CNTN5: variants seen among roughly 807,000 people sequenced by gnomAD.
CNTN5 encodes contactin-5.
A neutral mutation model predicts 129.1 loss-of-function variants in CNTN5; 77 were observed. The ratio of observed to expected loss-of-function variants is 0.60; its 90% confidence interval spans 0.50 to 0.72. The LOEUF (loss-of-function observed/expected upper bound fraction) is 0.72, where lower values mean the gene tolerates loss of function less well. Among genes scored for constraint, CNTN5 ranks in the 30% least tolerant of loss-of-function variants. The pLI is 0.00. For missense variants in CNTN5, 1,478 were observed against 1,328.8 expected, an observed-to-expected ratio of 1.11 and a Z score of -1.75; for synonymous variants, 509 against 465.6, an observed-to-expected ratio of 1.09 and a Z score of -1.20.
At chr11:99,135,080 G>A (rs1189081276) in intron 1 of CNTN5, among the ~76,000 whole-genome samples, 1 of 152,100 alleles carries the variant, frequency 6.6e-6, no homozygotes, top group Non-Finnish European at 1.5e-5. Flanking sequence ...GAATTTCTAA[G>A]CTTAAAAACC....
intron 3 of CNTN5, among the ~76,000 whole-genome samples, chr11:99,722,901 A>G (rs981523057): frequency 6.6e-6 from 1 of 152,028 alleles, no homozygotes; most frequent in Non-Finnish European, 1.5e-5. Context: ...TCGTGTCATC[A>G]ATCATCCTTG....
chr11:99,819,399 T>C (rs1314448070), intron 3 of CNTN5, 145 bp from the exon 4 acceptor site: 1 of 633,422 alleles, frequency 1.6e-6, no homozygotes, highest in East Asian at 3.0e-5. Context: ...AAAAGTAACA[T>C]TTTTTCACAC....
intron 21 of CNTN5, among the ~76,000 whole-genome samples, chr11:100,314,405 G>A (rs1401113292): frequency 2.0e-5 from 3 of 152,080 alleles, no homozygotes; most frequent in Admixed American, 6.6e-5. Flanking sequence ...GTATTATAGA[G>A]CAGGTAAATT....
At chr11:100,086,155 T>C (rs559566842) in intron 13 of CNTN5, among the ~76,000 whole-genome samples, 1 of 151,812 alleles carries the variant, frequency 6.6e-6, no homozygotes, top group Non-Finnish European at 1.5e-5. Context: ...CAAGAGGTAG[T>C]CTTTGAAAGA....
intron 3 of CNTN5, among the ~76,000 whole-genome samples, chr11:99,618,364 T>A (rs1950824762): frequency 2.0e-5 from 3 of 152,196 alleles, no homozygotes; most frequent in Admixed American, 2.0e-4. Flanking sequence ...TGCTTTCAAC[T>A]GGGCAATGAT....
At chr11:100,044,570 G>T (rs185307614) in intron 9 of CNTN5, among the ~76,000 whole-genome samples, 1 of 150,870 alleles carries the variant, frequency 6.6e-6, no homozygotes, top group African/African-American at 2.4e-5. Context: ...GCATTGATCT[G>T]ATGCCTAGTG....
intron 3 of CNTN5, among the ~76,000 whole-genome samples, chr11:99,589,370 A>G (rs1380628534): frequency 2.6e-5 from 4 of 152,232 alleles, no homozygotes; most frequent in South Asian, 4.1e-4. Flanking sequence ...ATATAATTCA[A>G]TAAGTTCTAC....
At chr11:100,261,412 G>A (rs534255549) in intron 17 of CNTN5, among the ~76,000 whole-genome samples, 110 of 152,114 alleles carry the variant, frequency 7.2e-4, no homozygotes, top group African/African-American at 1.9e-3. Context: ...TCATCAAGCT[G>A]TCATTGACTT....
At chr11:99,860,805 T>C (rs1318427546) in intron 6 of CNTN5, among the ~76,000 whole-genome samples, 1 of 152,142 alleles carries the variant, frequency 6.6e-6, no homozygotes, top group Non-Finnish European at 1.5e-5. Context: ...TTGTTACATA[T>C]GAATTTTAGA....
At chr11:99,233,908 T>C (rs930540030) in intron 1 of CNTN5, among the ~76,000 whole-genome samples, 1 of 152,118 alleles carries the variant, frequency 6.6e-6, no homozygotes, top group Non-Finnish European at 1.5e-5. Context: ...ATCGCACCAC[T>C]GCACTCCAGA....
At chr11:100,304,637 T>C (rs7484006) in intron 20 of CNTN5, among the ~76,000 whole-genome samples, 75,332 of 151,074 alleles carry the variant, frequency 0.5, 21,851 homozygotes, top group East Asian at 0.92. Flanking sequence ...AGATGTGGAG[T>C]GGCAAGGGGA....
intron 2 of CNTN5, among the ~76,000 whole-genome samples, chr11:99,434,578 G>A (rs1291780404): frequency 6.6e-6 from 1 of 152,100 alleles, no homozygotes; most frequent in African/African-American, 2.4e-5. Context: ...TCTGTGTTAA[G>A]CAATAACATA....
chr11:99,041,153 C>T (rs1388882069), intron 1 of CNTN5, among the ~76,000 whole-genome samples: 1 of 152,108 alleles, frequency 6.6e-6, no homozygotes, highest in Non-Finnish European at 1.5e-5. Flanking sequence ...GTATTTACCA[C>T]CAGGAGCCAA....
intron 4 of CNTN5, among the ~76,000 whole-genome samples, chr11:99,822,149 A>T (rs752916488): frequency 8.6e-5 from 13 of 152,008 alleles, no homozygotes; most frequent in Non-Finnish European, 1.5e-4. Flanking sequence ...AAGTCATCCC[A>T]CTCCTGTTCA....
rs181851800 is a variant in CNTN5 at position 99,183,252 on chromosome 11, C to G, written c.-209-142094C>G. 1.2e-4 allele frequency among the ~76,000 whole-genome samples: 19 copies of G among 152,268 alleles called. 1 individual carries two copies. Among genetic ancestry groups the G allele is most frequent in the Admixed American group, 9.8e-4 (15 of 15,280 alleles). On this transcript the variant is annotated intron_variant, in intron 1 of 24. Transcript: ENST00000524871. ...TTATCAGGCAGTGATGAAATTTCCTCTGATACTGTCTATTGAAGAGAAATT... is the reference window on the plus strand; with the variant it reads ...TTATCAGGCAGTGATGAAATTTCCTGTGATACTGTCTATTGAAGAGAAATT...
At chr11:99,437,122 G>T (rs141662810) in intron 2 of CNTN5, among the ~76,000 whole-genome samples, 59 of 152,226 alleles carry the variant, frequency 3.9e-4, no homozygotes, top group Non-Finnish European at 7.1e-4. Flanking sequence ...TCAAAGTAAA[G>T]AATTGAAAAT....
At chr11:99,447,880 G>A (rs1025369936) in intron 2 of CNTN5, among the ~76,000 whole-genome samples, 52 of 152,094 alleles carry the variant, frequency 3.4e-4, no homozygotes, top group African/African-American at 1.3e-3. Context: ...AGCCAAGATC[G>A]TGCCATTGCA....
rs572211349 is a variant in CNTN5 at position 100,148,238 on chromosome 11, A to G, written c.1581-42888A>G. Among the ~76,000 whole-genome samples the G allele has an allele frequency of 7.2e-5, 11 of 152,262 alleles. No individual in the cohort carries two copies. The East Asian group carries it at 2.1e-3, about 29-fold the overall frequency. On this transcript the variant is annotated intron_variant, in intron 13 of 24. Transcript: ENST00000524871. Reference sequence around the variant, plus strand: ...TTAGTTTATAATCCAAGCTTGTCCCATAGTTGTTTGGTCTTGTACATATTG... The same window carrying G: ...TTAGTTTATAATCCAAGCTTGTCCCGTAGTTGTTTGGTCTTGTACATATTG...
intron 13 of CNTN5, among the ~76,000 whole-genome samples, chr11:100,094,755 G>A (rs1944926929): frequency 7.7e-6 from 1 of 129,872 alleles, no homozygotes; most frequent in Admixed American, 7.9e-5. Context: ...GAAGGAGGGA[G>A]GGAGGGAGGA....
Sources: allele counts gnomAD v4.1 joint callset (sites outside exome capture counted in the v4.1 genomes callset), GRCh38; gene constraint gnomAD v4.1.1; transcripts MANE v1.5; gene names NCBI Gene and HGNC (gene_info 2026-07-23, HGNC 2026-07-21).